ARRB1: variants seen among roughly 807,000 people sequenced by gnomAD.
The protein encoded by ARRB1 is arrestin beta 1, also known as beta-arrestin-1.
In ARRB1, 21 loss-of-function variants were observed where a neutral mutation model predicts 56.8. The ratio of observed to expected loss-of-function variants is 0.37; its 90% CI spans 0.26 to 0.53. ARRB1 has a LOEUF of 0.53. Among genes scored for constraint, ARRB1 ranks in the 20% least tolerant of loss-of-function variants. ARRB1 has a pLI of 0.88. For missense variants in ARRB1, 424 were observed against 553.7 expected (o/e 0.77, Z 2.35); for synonymous variants, 210 against 218.6 (o/e 0.96, Z 0.35).
intron 1 of ARRB1, among the ~76,000 whole-genome samples, chr11:75,337,708 G>A (rs960865305): frequency 2.0e-5 from 3 of 151,912 alleles, no homozygotes; most frequent in Non-Finnish European, 2.9e-5. Flanking sequence ...CTCTACCTGG[G>A]CAGGGAGCAG....
chr11:75,311,909 G>A (rs777374505), intron 1 of ARRB1, among the ~76,000 whole-genome samples: 2 of 152,304 alleles, frequency 1.3e-5, no homozygotes, highest in East Asian at 3.9e-4. Flanking sequence ...CGGCCACCAG[G>A]GCCTGTCAGA....
chr11:75,334,983 T>C (rs1947579929), intron 1 of ARRB1: 1 of 166,974 alleles, frequency 6.0e-6, no homozygotes. Flanking sequence ...AAAAATAATT[T>C]CCTTTTGCAA....
At chr11:75,302,275 A>G (rs942261962) in intron 1 of ARRB1, among the ~76,000 whole-genome samples, 36 of 152,208 alleles carry the variant, frequency 2.4e-4, no homozygotes, top group African/African-American at 8.2e-4. Context: ...CAATTCCCCA[A>G]GCCTCCTGCC....
chr11:75,266,158 C>T lies in ARRB1; in HGVS notation c.*5G>A, dbSNP rs79269900. On this transcript the variant is annotated 3_prime_UTR_variant, in exon 16 of 16. Coordinates refer to ENST00000420843, the MANE Select transcript of ARRB1 (RefSeq NM_004041.5). Reference sequence around the variant, plus strand: ...CGGAGCCACGTGGAGGCAGGGCCGGCCCGTCTATCTGTTGTTGAGCTGTGG... The same window carrying T: ...CGGAGCCACGTGGAGGCAGGGCCGGTCCGTCTATCTGTTGTTGAGCTGTGG... 5.0e-6 allele frequency: 8 copies of T among 1,612,906 alleles called. No homozygotes were observed. The highest frequency in any genetic ancestry group is 6.8e-6 in the Non-Finnish European group (8 of 1,178,946).
chr11:75,338,707 C>CTGACT (rs1168808752), intron 1 of ARRB1, among the ~76,000 whole-genome samples: 8 of 152,164 alleles, frequency 5.3e-5, no homozygotes, highest in African/African-American at 1.4e-4. Context: ...TGCTGTGGAA[C>CTGACT]AGTCAGCGCA....
chr11:75,293,450 C>G (rs11827808), intron 1 of ARRB1, among the ~76,000 whole-genome samples: 2,078 of 152,278 alleles, frequency 0.014, 37 homozygotes, highest in African/African-American at 0.045. Flanking sequence ...TGTGAGGATG[C>G]TTCGTTTCCT....
Position 75,283,270 on chromosome 11 carries a change from G to A in ARRB1, c.354+17C>T. On this transcript the variant is annotated intron_variant, in intron 5 of 15. Coordinates refer to ENST00000420843, the MANE Select transcript of ARRB1 (RefSeq NM_004041.5). ...TGGCATTTCTGGAATGGGGCCCCAG[G>A]GATGGCAGTTCCTGACCTCAAAGGT... 6.3e-7 allele frequency: 1 copy of A among 1,578,230 alleles called. No individual in the cohort carries two copies. Among genetic ancestry groups the A allele is most frequent in the Non-Finnish European group, 8.6e-7 (1 of 1,157,984 alleles).
At chr11:75,328,745 C>T (rs1335096940) in intron 1 of ARRB1, among the ~76,000 whole-genome samples, 1 of 152,208 alleles carries the variant, frequency 6.6e-6, no homozygotes, top group Non-Finnish European at 1.5e-5. Flanking sequence ...GGCTCCTGTC[C>T]AGCCAAGGAG....
chr11:75,337,564 G>A (rs1947625457), intron 1 of ARRB1, among the ~76,000 whole-genome samples: 1 of 152,038 alleles, frequency 6.6e-6, no homozygotes, highest in African/African-American at 2.4e-5. Flanking sequence ...GTCAGGAGCT[G>A]GGAGTCCAAG....
intron 1 of ARRB1, among the ~76,000 whole-genome samples, chr11:75,327,176 C>CCTA (rs1330105770): frequency 6.6e-6 from 1 of 151,294 alleles, no homozygotes; most frequent in African/African-American, 2.4e-5. Flanking sequence ...GTGGCGGGTG[C>CCTA]CTGTAGTCCC....
At position 75,351,595 on chromosome 11, in the gene ARRB1, C is replaced by G. The variant is rs1289070106; in HGVS notation, c.13G>C (p.Gly5Arg). ...CGGCCGCCCTGCACTCACCGGGTCC[C>G]TTTGTCGCCCATGGTCCGCGACGGT... is the stretch of plus-strand genomic sequence containing the variant. MGDK[G>R]TRVFKKASPN... Residue 5 changes from glycine to arginine, a missense_variant, in exon 1 of 16, where the codon GGG (glycine) becomes CGG (arginine). Gly to Arg is a moderately radical substitution (Grantham distance 125, BLOSUM62 -2). This residue lies in a region of ARRB1 where 301 missense variants were observed against 387.9 expected (regional missense o/e 0.78). Coordinates refer to ENST00000420843, the MANE Select transcript of ARRB1 (RefSeq NM_004041.5). The G allele has an allele frequency of 1.7e-5, 25 of 1,468,644 alleles. No individual in the cohort carries two copies. Among genetic ancestry groups the G allele is most frequent in the South Asian group, 2.6e-5 (2 of 77,226 alleles). 91.0% of individuals were successfully genotyped at this position (1,468,644 alleles called of 1,614,324 possible).
intron 1 of ARRB1, among the ~76,000 whole-genome samples, chr11:75,332,001 G>A (rs1405619341): frequency 1.3e-5 from 2 of 151,568 alleles, no homozygotes; most frequent in Admixed American, 6.6e-5. Flanking sequence ...CCTTCTCCTG[G>A]ACAATAAGTC....
At chr11:75,290,063 GCCAGGGTTCGCGTATCCTGC>G (rs1946568895) in intron 1 of ARRB1, 24 bp from the exon 2 acceptor site, 1 of 1,613,950 alleles carries the variant, frequency 6.2e-7, no homozygotes, top group Non-Finnish European at 8.5e-7. Flanking sequence ...GAGAGGTCAG[GCCAGGGTTCGCGTATCCTGC>G]CCAGGGGCAA....
intron 15 of ARRB1, among the ~76,000 whole-genome samples, chr11:75,266,927 G>A (rs1322474220): frequency 1.3e-5 from 2 of 152,154 alleles, no homozygotes; most frequent in Non-Finnish European, 2.9e-5. Context: ...CTTGAGTGGG[G>A]TTTCAGGACT....
chr11:75,280,954 C>T, intron 7 of ARRB1, 121 bp downstream of exon 7: 3 of 1,221,674 alleles, frequency 2.5e-6, no homozygotes, highest in South Asian at 1.4e-5. Flanking sequence ...CCTTCCAAGG[C>T]TGGAATGTGC....
chr11:75,278,119 G>C (rs977325255), intron 8 of ARRB1, among the ~76,000 whole-genome samples: 3 of 152,252 alleles, frequency 2.0e-5, no homozygotes, highest in African/African-American at 7.2e-5. Context: ...TGCCCCGAGA[G>C]AGAGGGGGTG....
chr11:75,277,149 G>C (rs903448120), intron 9 of ARRB1, among the ~76,000 whole-genome samples: 4 of 152,252 alleles, frequency 2.6e-5, no homozygotes, highest in African/African-American at 9.6e-5. Flanking sequence ...CCAAGAAACT[G>C]AAGAGGTGGC....
intron 1 of ARRB1, among the ~76,000 whole-genome samples, chr11:75,313,069 C>G (rs1221445420): frequency 6.6e-6 from 1 of 152,216 alleles, no homozygotes; most frequent in Non-Finnish European, 1.5e-5. Flanking sequence ...ATAACTCCCT[C>G]AGGCCAGGTG....
At chr11:75,279,920 C>T (rs543003309) in intron 7 of ARRB1, among the ~76,000 whole-genome samples, 2 of 152,296 alleles carry the variant, frequency 1.3e-5, no homozygotes, top group South Asian at 2.1e-4. Context: ...TGCCTGCCTT[C>T]GGCCTTCCAG....
Sources: allele counts gnomAD v4.1 joint callset (sites outside exome capture counted in the v4.1 genomes callset), GRCh38; gene constraint gnomAD v4.1.1; regional missense constraint gnomAD v4.1.1; transcripts MANE v1.5; gene names NCBI Gene and HGNC (gene_info 2026-07-23, HGNC 2026-07-21).